Variants in STX18 observed in about 807,000 individuals in gnomAD.
The protein encoded by STX18 is syntaxin 18.
In STX18, 40 loss-of-function variants were observed where a neutral mutation model predicts 50.1. That is an observed-to-expected ratio of 0.80 (90% CI 0.62 to 1.04). The LOEUF is 1.04. Ranked by LOEUF, STX18 falls within the 50% of genes least tolerant of loss-of-function variation. The probability of loss-of-function intolerance (pLI) is 0.00; values close to 1 mark genes in which losing one functional copy is unlikely to be tolerated. For synonymous variants in STX18, 158 were observed against 151.8 expected (o/e 1.04, Z -0.30); for missense variants, 410 against 415.8 (o/e 0.99, Z 0.12).
chr4:4,519,268 A>C (rs1483919964), intron 1 of STX18, among the ~76,000 whole-genome samples: 2 of 152,202 alleles, frequency 1.3e-5, no homozygotes, highest in African/African-American at 4.8e-5. Context: ...CTTGAAATAC[A>C]GGTGCTAATC....
intron 1 of STX18, among the ~76,000 whole-genome samples, chr4:4,514,214 T>G (rs1356229719): frequency 6.6e-6 from 1 of 152,190 alleles, no homozygotes; most frequent in Non-Finnish European, 1.5e-5. Flanking sequence ...CGTAGATATA[T>G]GAATCAGAAA....
chr4:4,435,083 G>C (rs1250688776), intron 6 of STX18, among the ~76,000 whole-genome samples: 1 of 152,090 alleles, frequency 6.6e-6, no homozygotes. Context: ...GTGTGTGATG[G>C]GGAGGGGGAC....
rs186677701 is a variant in STX18, at chr4:4,514,241, C to G, written c.168+27556G>C. Among the ~76,000 whole-genome samples the G allele has an allele frequency of 2.0e-3, 312 of 152,286 alleles. 1 individual carries two copies. Among genetic ancestry groups the G allele is most frequent in the African/African-American group, 7.1e-3 (293 of 41,546 alleles). On this transcript the variant is annotated intron_variant, in intron 1 of 10. Coordinates refer to ENST00000306200, the MANE Select transcript of STX18 (RefSeq NM_016930.4). Reference sequence around the variant, plus strand: ...AATCAGAAAAATGCTTCTCAGTCTTCTCACTGCAGATGGAGAAAGCAGTTC... The same window carrying G: ...AATCAGAAAAATGCTTCTCAGTCTTGTCACTGCAGATGGAGAAAGCAGTTC...
chr4:4,431,694 T>G (rs1194899306), intron 7 of STX18, among the ~76,000 whole-genome samples: 6 of 152,114 alleles, frequency 3.9e-5, no homozygotes, highest in Non-Finnish European at 5.9e-5. Context: ...ATTCATCATC[T>G]CCTGCTCAGC....
intron 5 of STX18, among the ~76,000 whole-genome samples, chr4:4,456,468 T>C (rs1254147849): frequency 6.6e-6 from 1 of 152,166 alleles, no homozygotes; most frequent in Non-Finnish European, 1.5e-5. Context: ...GCATTCCAGA[T>C]GCTCATGTGA....
At chr4:4,530,889 G>A (rs967076230) in intron 1 of STX18, among the ~76,000 whole-genome samples, 9 of 152,248 alleles carry the variant, frequency 5.9e-5, no homozygotes, top group Non-Finnish European at 1.0e-4. Context: ...TTACAGGCAT[G>A]AGCCACCATA....
intron 7 of STX18, among the ~76,000 whole-genome samples, chr4:4,426,764 C>T (rs1725260691): frequency 6.6e-6 from 1 of 152,186 alleles, no homozygotes; most frequent in African/African-American, 2.4e-5. Flanking sequence ...GTTATCCAAT[C>T]CTTGGTCAAA....
chr4:4,500,390 T>C (rs1476438504), intron 1 of STX18, among the ~76,000 whole-genome samples: 1 of 152,226 alleles, frequency 6.6e-6, no homozygotes, highest in Non-Finnish European at 1.5e-5. Flanking sequence ...TTTTTTCTTG[T>C]TACTATTCTC....
intron 6 of STX18, among the ~76,000 whole-genome samples, chr4:4,437,041 C>T (rs1217026635): frequency 1.4e-5 from 2 of 146,700 alleles, no homozygotes; most frequent in Non-Finnish European, 3.0e-5. Context: ...CTCACTGCAA[C>T]TTCCGCCTCC....
intron 1 of STX18, among the ~76,000 whole-genome samples, chr4:4,520,188 T>C (rs8180115): frequency 0.23 from 34,448 of 152,154 alleles, 4,059 homozygotes; most frequent in East Asian, 0.33. Flanking sequence ...ATTAAAATGG[T>C]TGCTCATAAC....
At chr4:4,442,133 T>C (rs1207583858) in intron 5 of STX18, among the ~76,000 whole-genome samples, 1 of 152,048 alleles carries the variant, frequency 6.6e-6, no homozygotes, top group African/African-American at 2.4e-5. Flanking sequence ...GACCAATGAA[T>C]AGGATATAAA....
chr4:4,442,676 T>C (rs1332511455), intron 5 of STX18, among the ~76,000 whole-genome samples: 1 of 151,780 alleles, frequency 6.6e-6, no homozygotes, highest in East Asian at 1.9e-4. Flanking sequence ...TTGATGGCTA[T>C]TGGTGGTGAA....
intron 7 of STX18, among the ~76,000 whole-genome samples, chr4:4,430,282 C>T (rs1048266711): frequency 6.6e-6 from 1 of 152,210 alleles, no homozygotes; most frequent in Non-Finnish European, 1.5e-5. Context: ...ATTATGACCA[C>T]GATTTGCTAC....
chr4:4,454,873 A>T (rs775698591), intron 5 of STX18, among the ~76,000 whole-genome samples: 3 of 152,218 alleles, frequency 2.0e-5, no homozygotes, highest in Admixed American at 6.5e-5. Context: ...TAATGAAATA[A>T]AATAATATAC....
At chr4:4,507,166 G>A (rs1021003737) in intron 1 of STX18, 2 of 566,958 alleles carry the variant, frequency 3.5e-6, no homozygotes, top group East Asian at 4.1e-5. Context: ...AGTACAAGAC[G>A]GCATGACACT....
intron 1 of STX18, among the ~76,000 whole-genome samples, chr4:4,484,095 C>T (rs369274810): frequency 6.6e-6 from 1 of 152,114 alleles, no homozygotes; most frequent in African/African-American, 2.4e-5. Flanking sequence ...ATCTCCTGAC[C>T]TCGTGATCCG....
chr4:4,467,853 G>A lies in STX18; in HGVS notation c.236+3786C>T, dbSNP rs554812091. ...AAACAGAGCCCCGGAGTTCTTATGG[G>A]ATAGATGAAGGACAAAGAGGCAAAA... On this transcript the variant is annotated intron_variant, in intron 2 of 10. Transcript: ENST00000306200. 5.9e-5 allele frequency among the ~76,000 whole-genome samples: 9 copies of A among 152,258 alleles called. No individual in the cohort carries two copies. The South Asian group carries it at 1.9e-3, about 32-fold the overall frequency.
At chr4:4,519,852 T>C (rs1256631302) in intron 1 of STX18, among the ~76,000 whole-genome samples, 1 of 152,184 alleles carries the variant, frequency 6.6e-6, no homozygotes, top group Non-Finnish European at 1.5e-5. Flanking sequence ...GCCTGCCTAA[T>C]ACAATTCCCT....
intron 1 of STX18, among the ~76,000 whole-genome samples, chr4:4,482,275 C>T (rs1481508427): frequency 2.6e-5 from 4 of 152,154 alleles, no homozygotes; most frequent in African/African-American, 9.7e-5. Flanking sequence ...AATTGTCCAC[C>T]CAGCCGCTGC....
Sources: gnomAD v4.1 joint callset for allele counts (sites outside exome capture counted in the v4.1 genomes callset) on GRCh38, gnomAD v4.1.1 for gene constraint, MANE v1.5 for transcripts, NCBI Gene and HGNC (gene_info 2026-07-23, HGNC 2026-07-21) for gene names.